STAU1: variants seen among roughly 807,000 people sequenced by gnomAD.
STAU1 encodes staufen double-stranded RNA binding protein 1, also known as double-stranded RNA-binding protein Staufen homolog 1.
A neutral mutation model predicts 62.9 loss-of-function variants in STAU1; 13 were observed. The observed-to-expected ratio is 0.21, with a 90% CI of 0.13 to 0.33. The LOEUF is 0.33. Ranked by LOEUF, STAU1 falls within the 10% of genes least tolerant of loss-of-function variation. STAU1 has a pLI of 1.00. For synonymous variants in STAU1, 269 were observed against 265.1 expected (o/e 1.01, Z -0.14); for missense variants, 571 against 712.1 (o/e 0.80, Z 2.25).
At chr20:49,202,205 G>A in the STAU1 span, among the ~76,000 whole-genome samples, 2 of 93,810 alleles carry the variant, frequency 2.1e-5, no homozygotes, top group African/African-American at 3.9e-5. Context: ...GGGCGACAGA[G>A]CGAGACTCCA....
chr20:49,127,082 C>T (rs1285736357), intron 6 of STAU1, among the ~76,000 whole-genome samples: 1 of 152,156 alleles, frequency 6.6e-6, no homozygotes, highest in Non-Finnish European at 1.5e-5. Flanking sequence ...TGGCCGGGCG[C>T]GGTGGCTCAC....
chr20:49,205,365 T>TC, the STAU1 span, among the ~76,000 whole-genome samples: 2 of 115,008 alleles, frequency 1.7e-5, no homozygotes, highest in African/African-American at 4.0e-5. Flanking sequence ...TTATGACAGT[T>TC]TTTTTTTTTT....
the STAU1 span, chr20:49,219,291 C>T: frequency 6.7e-7 from 1 of 1,483,680 alleles, no homozygotes; most frequent in Middle Eastern, 2.1e-4. Flanking sequence ...CCCCATATTG[C>T]CGCATGCGCA....
At chr20:49,182,541 C>G (rs1436913169) in intron 1 of STAU1, among the ~76,000 whole-genome samples, 1 of 152,194 alleles carries the variant, frequency 6.6e-6, no homozygotes, top group African/African-American at 2.4e-5. Flanking sequence ...ATGTTCATGA[C>G]AAAGAGCAGA....
chr20:49,186,456 A>G (rs2093788562), intron 1 of STAU1, among the ~76,000 whole-genome samples: 1 of 152,162 alleles, frequency 6.6e-6, no homozygotes, highest in Non-Finnish European at 1.5e-5. Context: ...CATGTGTGTT[A>G]AGAGATGGGT....
rs1600589265 is a variant in STAU1 at position 49,117,455 on chromosome 20, T to C, written c.1510-207A>G. 6.6e-6 allele frequency among the ~76,000 whole-genome samples: 1 copy of C among 152,318 alleles called. No homozygotes were observed. Among genetic ancestry groups the C allele is most frequent in the Non-Finnish European group, 1.5e-5 (1 of 68,022 alleles). On this transcript the variant is annotated intron_variant, in intron 11 of 13. Coordinates refer to ENST00000371856, the MANE Select transcript of STAU1 (RefSeq NM_017453.4). This position sits in a 1 kb window ranked among gnomAD's most constrained non-coding sequence, Gnocchi z 4.6. ...AGAAGCCCAAGACTGGGAGAAGCCA[T>C]ATCCTTTCCTACCAGACAGAAAGTG...
Position 49,124,590 on chromosome 20 carries a change from G to GT in STAU1, c.610-4dup. ...GGTGGGCCACTCTCCCGGGCCACCT[G>GT]TTTCAGAGGGAAAGACTGAGTGAAA... On this transcript the variant is annotated splice_region_variant and splice_polypyrimidine_tract_variant and intron_variant, in intron 6 of 13. Coordinates refer to ENST00000371856, the MANE Select transcript of STAU1 (RefSeq NM_017453.4). The GT allele has an allele frequency of 6.2e-7, 1 of 1,613,670 alleles. No individual in the cohort carries two copies. The highest frequency in any genetic ancestry group is 8.5e-7 in the Non-Finnish European group (1 of 1,180,018).
chr20:49,135,431 T>C (rs996643452), intron 6 of STAU1, among the ~76,000 whole-genome samples: 2 of 152,196 alleles, frequency 1.3e-5, no homozygotes, highest in African/African-American at 2.4e-5. Flanking sequence ...CGCTAGACAA[T>C]GACAAAAACT....
chr20:49,161,042 G>A (rs551674602), intron 3 of STAU1, among the ~76,000 whole-genome samples: 1 of 152,192 alleles, frequency 6.6e-6, no homozygotes, highest in South Asian at 2.1e-4. Flanking sequence ...AATATGGCCA[G>A]GCGGGGTGGC....
At chr20:49,124,642 A>C in intron 6 of STAU1, 55 bp from the exon 7 acceptor site, 6 of 1,581,344 alleles carry the variant, frequency 3.8e-6, no homozygotes, top group Non-Finnish European at 5.2e-6. Flanking sequence ...TAAAAGCTCC[A>C]AGGCACACTG....
chr20:49,148,262 G>A (rs559503033), intron 5 of STAU1, among the ~76,000 whole-genome samples: 103 of 152,220 alleles, frequency 6.8e-4, no homozygotes, highest in African/African-American at 2.1e-3. Flanking sequence ...TGGAAATTCC[G>A]TACATGACCT....
At chr20:49,118,982 A>G (rs2092400170) in intron 9 of STAU1, among the ~76,000 whole-genome samples, 1 of 152,194 alleles carries the variant, frequency 6.6e-6, no homozygotes, top group Non-Finnish European at 1.5e-5. Flanking sequence ...TAAGATCTAT[A>G]CTGGTGGTAT....
At chr20:49,195,797 G>C in the STAU1 span, among the ~76,000 whole-genome samples, 1 of 149,604 alleles carries the variant, frequency 6.7e-6, no homozygotes, top group Non-Finnish European at 1.5e-5. Context: ...CAGCTACTTG[G>C]GAGGCTGAGG....
the STAU1 span, among the ~76,000 whole-genome samples, chr20:49,201,071 A>AAAAAAAGAAG: frequency 6.6e-3 from 681 of 103,862 alleles, 20 homozygotes; most frequent in Non-Finnish European, 0.011. Flanking sequence ...AAAAAAAAAA[A>AAAAAAAGAAG]AAGAAGAAGA....
chr20:49,118,424 GA>G lies in STAU1; in HGVS notation c.1114-17del, dbSNP rs747848912. On this transcript the variant is annotated splice_polypyrimidine_tract_variant and intron_variant, in intron 9 of 13. Transcript: ENST00000371856. ...TTATGGGTGTCTTAAAAAAGAAGAAGAAAAAAAAAAGGCCATGAGCATAAAT... is the reference window on the plus strand; with the variant it reads ...TTATGGGTGTCTTAAAAAAGAAGAAGAAAAAAAAAGGCCATGAGCATAAAT... 2,870 of 1,384,224 alleles carry G rather than the reference GA, an allele frequency of 2.1e-3. 6 individuals carry two copies. Among genetic ancestry groups the G allele is most frequent in the Middle Eastern group, 7.1e-3 (37 of 5,202 alleles). The allele number at this position is 1,384,224 out of a possible 1,614,324, so 85.7% of individuals were successfully genotyped here.
Position 49,117,016 on chromosome 20 carries a change from T to G in STAU1, c.1632+110A>C, listed in dbSNP as rs1234298727. ...ATCAAACGATTCATTGCTCTCAAGG[T>G]CTATGGGACAATCTTTCTCCCATCT... On this transcript the variant is annotated intron_variant, in intron 12 of 13. Transcript: ENST00000371856. This position sits in a 1 kb window ranked among gnomAD's most constrained non-coding sequence, Gnocchi z 4.6. 1.4e-6 allele frequency: 2 copies of G among 1,388,412 alleles called. No homozygotes were observed. Among genetic ancestry groups the G allele is most frequent in the East Asian group, 4.6e-5 (2 of 43,288 alleles). The allele number at this position is 1,388,412 out of a possible 1,614,324, so 86.0% of individuals were successfully genotyped here.
chr20:49,124,839 C>T (rs977643233), intron 6 of STAU1, among the ~76,000 whole-genome samples: 1 of 152,104 alleles, frequency 6.6e-6, no homozygotes, highest in Non-Finnish European at 1.5e-5. Flanking sequence ...TACTCCCATG[C>T]CCCTGGCTCA....
At chr20:49,178,231 C>G (rs564364593) in intron 1 of STAU1, among the ~76,000 whole-genome samples, 1 of 152,258 alleles carries the variant, frequency 6.6e-6, no homozygotes, top group East Asian at 1.9e-4. Context: ...TTGAAATCCT[C>G]CAATTTCAAA....
chr20:49,136,977 A>G (rs2092899522), intron 5 of STAU1, among the ~76,000 whole-genome samples: 1 of 152,186 alleles, frequency 6.6e-6, no homozygotes, highest in African/African-American at 2.4e-5. Flanking sequence ...TTAAGGCGTG[A>G]GCCACCACGC....
Sources: gnomAD v4.1 joint callset for allele counts (sites outside exome capture counted in the v4.1 genomes callset) on GRCh38, gnomAD v4.1.1 for gene constraint, Gnocchi (gnomAD v3.1) non-coding constraint, MANE v1.5 for transcripts, NCBI Gene and HGNC (gene_info 2026-07-23, HGNC 2026-07-21) for gene names.